Variants in SENP5 observed in about 807,000 individuals in gnomAD.
SENP5 encodes SUMO specific peptidase 5.
A neutral mutation model predicts 74.2 loss-of-function variants in SENP5; 21 were observed. The observed-to-expected ratio is 0.28, with a 90% confidence interval of 0.20 to 0.41. The LOEUF is 0.41. SENP5 is among the 10% of genes least tolerant of loss of function. The pLI is 1.00. For missense variants in SENP5, 717 were observed against 889.1 expected (o/e 0.81, Z 2.46); for synonymous variants, 311 against 312.7 (o/e 0.99, Z 0.06).
chr3:196,916,122 C>T (rs1272808046), intron 6 of SENP5, among the ~76,000 whole-genome samples: 1 of 152,010 alleles, frequency 6.6e-6, no homozygotes, highest in East Asian at 1.9e-4. Flanking sequence ...GTCAGGAGTT[C>T]CAGACCAGCC....
At chr3:196,891,951 C>T (rs62410819) in intron 2 of SENP5, among the ~76,000 whole-genome samples, 28,163 of 151,592 alleles carry the variant, frequency 0.19, 3,452 homozygotes, top group Non-Finnish European at 0.24. Context: ...CCACCACGCC[C>T]GGCTAATTTT....
At chr3:196,898,050 C>T (rs1403377881) in intron 2 of SENP5, among the ~76,000 whole-genome samples, 9 of 150,478 alleles carry the variant, frequency 6.0e-5, no homozygotes, top group East Asian at 3.9e-4. Context: ...TGGTGGCGGG[C>T]GCCTGTAATC....
At chr3:196,879,885 T>C (rs1300666356) in intron 1 of SENP5, among the ~76,000 whole-genome samples, 1 of 152,176 alleles carries the variant, frequency 6.6e-6, no homozygotes, top group East Asian at 1.9e-4. Flanking sequence ...CCGAAAAAAA[T>C]TGCAAAATAT....
chr3:196,910,590 C>T (rs1356395032), intron 6 of SENP5, among the ~76,000 whole-genome samples: 3 of 151,868 alleles, frequency 2.0e-5, no homozygotes, highest in Non-Finnish European at 4.4e-5. Flanking sequence ...TCGTGATCCG[C>T]CTGCCTCGGC....
intron 1 of SENP5, among the ~76,000 whole-genome samples, chr3:196,869,232 A>C (rs903069621): frequency 1.7e-4 from 26 of 151,336 alleles, no homozygotes; most frequent in Admixed American, 3.3e-4. Context: ...ACAGGGTCTC[A>C]CTCTGACACC....
chr3:196,895,773 C>T (rs1458112374), intron 2 of SENP5, among the ~76,000 whole-genome samples: 1 of 152,156 alleles, frequency 6.6e-6, no homozygotes. Flanking sequence ...CCTTCTGTCT[C>T]AGCCTCCCAA....
chr3:196,888,574 A>T (rs34545621), intron 2 of SENP5, among the ~76,000 whole-genome samples: 98,017 of 149,670 alleles, frequency 0.65, 33,015 homozygotes, highest in Non-Finnish European at 0.74. Flanking sequence ...ACAGAGCGAG[A>T]CTCTCTCACA....
chr3:196,921,157 G>T (rs915685217), intron 6 of SENP5, among the ~76,000 whole-genome samples: 1 of 152,044 alleles, frequency 6.6e-6, no homozygotes, highest in Non-Finnish European at 1.5e-5. Context: ...ATATTTTGGG[G>T]GTAGAACCAA....
At chr3:196,892,195 G>A (rs1165241729) in intron 2 of SENP5, among the ~76,000 whole-genome samples, 1 of 152,140 alleles carries the variant, frequency 6.6e-6, no homozygotes, top group African/African-American at 2.4e-5. Flanking sequence ...CCAGGCTAGA[G>A]TGCAGAGGCG....
chr3:196,874,160 A>T (rs1323126650), intron 1 of SENP5, among the ~76,000 whole-genome samples: 1 of 146,172 alleles, frequency 6.8e-6, no homozygotes, highest in Non-Finnish European at 1.5e-5. Flanking sequence ...AAAAAAAAAA[A>T]AGATAAAGGA....
rs772673272 is a variant in SENP5 at position 196,885,886 on chromosome 3, A to G, written c.705A>G (p.Lys235=). Residue 235 remains lysine (K), a synonymous_variant, in exon 2 of 10, where the codon AAA becomes AAG. Transcript: ENST00000323460. ...IKLSPLMMYE[K]LSMIRFRYRI... ...TATCTCCTCTTATGATGTATGAGAA[A>G]TTATCCATGATTAGATTTCGGTACA... 1.9e-6 allele frequency: 3 copies of G among 1,613,488 alleles called. No individual in the cohort carries two copies. The highest frequency in any genetic ancestry group is 2.2e-5 in the East Asian group (1 of 44,894).
intron 2 of SENP5, among the ~76,000 whole-genome samples, chr3:196,893,108 C>T (rs537286563): frequency 1.2e-4 from 19 of 152,300 alleles, no homozygotes; most frequent in Non-Finnish European, 1.5e-4. Context: ...TTTGAGGAAC[C>T]TGTATACTGT....
In SENP5 at chr3:196,903,447, C is replaced by G. The variant is rs1714781268; in HGVS notation, c.1807-86C>G. Reference sequence around the variant, plus strand: ...CCTTCCTTTTTGTCTGCTTTACATTCAAACATTTTAAAATTTCCTCTTTTG... The same window carrying G: ...CCTTCCTTTTTGTCTGCTTTACATTGAAACATTTTAAAATTTCCTCTTTTG... On this transcript the variant is annotated intron_variant, in intron 5 of 9. Transcript: ENST00000323460. The G allele has an allele frequency of 4.9e-6, 4 of 822,402 alleles. No individual in the cohort carries two copies. In the East Asian group the frequency reaches 1.1e-4, roughly 22 times the overall value. 50.9% of individuals were successfully genotyped at this position (822,402 alleles called of 1,614,324 possible). A position where few individuals can be genotyped will look rare whatever the true frequency, so the allele number is the denominator to read the frequency against.
chr3:196,929,134 G>A (rs923978067), intron 8 of SENP5: 1 of 153,186 alleles, frequency 6.5e-6, no homozygotes, highest in African/African-American at 2.4e-5. Flanking sequence ...CAGCCTGGGC[G>A]ACAGAGTGAG....
intron 9 of SENP5, 42 bp from the exon 10 acceptor site, chr3:196,930,771 C>T (rs1206233783): frequency 3.2e-6 from 4 of 1,232,314 alleles, no homozygotes; most frequent in African/African-American, 1.6e-5. Context: ...GTCCACAACT[C>T]CAAGTGCCAC....
chr3:196,906,110 C>T (rs182593548), intron 6 of SENP5, among the ~76,000 whole-genome samples: 2 of 152,198 alleles, frequency 1.3e-5, no homozygotes, highest in East Asian at 3.9e-4. Context: ...GTCCCAGCTA[C>T]TTGGGAGGCT....
chr3:196,914,586 A>AAAAAAATATATATAT, intron 6 of SENP5: 9 of 33,508 alleles, frequency 2.7e-4, no homozygotes, highest in African/African-American at 3.6e-4. Flanking sequence ...AAAAAAAAAA[A>AAAAAAATATATATAT]ATATATATAT....
At position 196,932,864 on chromosome 3, in the gene SENP5, T is replaced by C. The variant is rs1300134302; in HGVS notation, c.*1941T>C. ...AGTTCCTCAGTGACAGAACCTGGCA[T>C]GCAGAAGAGACAGAATTGTTCCTGT... On this transcript the variant is annotated 3_prime_UTR_variant, in exon 10 of 10. Coordinates refer to ENST00000323460, the MANE Select transcript of SENP5 (RefSeq NM_152699.5). 1 of 150,010 alleles carries C rather than the reference T, an allele frequency of 6.7e-6. No individual in the cohort carries two copies. Among genetic ancestry groups the C allele is most frequent in the African/African-American group, 2.5e-5 (1 of 40,758 alleles). 9.3% of individuals were successfully genotyped at this position (150,010 alleles called of 1,614,324 possible). A position where few individuals can be genotyped will look rare whatever the true frequency, so the allele number is the denominator to read the frequency against.
rs201077075 is a variant in SENP5 at position 196,930,914 on chromosome 3, C to T, written c.2259C>T (p.Leu753=). 8 of 1,609,558 alleles carry T rather than the reference C, an allele frequency of 5.0e-6. No individual in the cohort carries two copies. The highest frequency in any genetic ancestry group is 4.0e-5 in the African/African-American group (3 of 74,824). The change falls in exon 10 of 10, where the codon CTC becomes CTT. Residue 753 remains leucine, a synonymous_variant. Coordinates refer to ENST00000323460, the MANE Select transcript of SENP5 (RefSeq NM_152699.5). The stretch of plus-strand genomic sequence containing the variant: ...ACAAGGAGCTATGTGAGTGCCGGCT[C>T]ATGGACTGAAACTCAGCAGGGACTC... ...RIYKELCECR[L]MD
Sources: gnomAD v4.1 joint callset for allele counts (sites outside exome capture counted in the v4.1 genomes callset) on GRCh38, gnomAD v4.1.1 for gene constraint, MANE v1.5 for transcripts, NCBI Gene and HGNC (gene_info 2026-07-23, HGNC 2026-07-21) for gene names.